NCBP3: variants seen among roughly 807,000 people sequenced by gnomAD.
NCBP3 encodes the protein nuclear cap binding subunit 3.
In NCBP3, 20 loss-of-function variants were observed where a neutral mutation model predicts 75.7. The ratio of observed to expected loss-of-function variants is 0.26; its 90% CI spans 0.19 to 0.38. The LOEUF (loss-of-function observed/expected upper bound fraction) is 0.38, where lower values mean the gene tolerates loss of function less well. Ranked by LOEUF, NCBP3 falls within the 10% of genes least tolerant of loss-of-function variation. The probability of loss-of-function intolerance (pLI) is 1.00; values close to 1 mark genes in which losing one functional copy is unlikely to be tolerated. For missense variants in NCBP3, 678 were observed against 796.9 expected (o/e 0.85, Z 1.80); for synonymous variants, 293 against 290.5 (o/e 1.01, Z -0.09).
At chr17:3,817,456 C>T (rs1394661493) in intron 10 of NCBP3, among the ~76,000 whole-genome samples, 1 of 151,940 alleles carries the variant, frequency 6.6e-6, no homozygotes, top group Non-Finnish European at 1.5e-5. Flanking sequence ...TGCTGAAACC[C>T]GTCTCTACTA....
chr17:3,826,695 AGAAG>A (rs375511950), intron 4 of NCBP3, among the ~76,000 whole-genome samples: 6,131 of 146,036 alleles, frequency 0.042, 208 homozygotes, highest in East Asian at 0.099. Flanking sequence ...AGACAGAAAG[AGAAG>A]GAAGGAAGGA....
chr17:3,813,376 A>C (rs2053461175), intron 12 of NCBP3, 97 bp from the exon 13 acceptor site: 2 of 1,425,142 alleles, frequency 1.4e-6, no homozygotes, highest in Non-Finnish European at 1.9e-6. Context: ...GCTGTGCAGG[A>C]AACGCCAGCA....
chr17:3,846,033 G>C lies in NCBP3; in HGVS notation c.183+8C>G. ...ACCTCTTCCTTACCCCCCGACCCCCGCCCGTACCGGGATCAGTTCCTTGAG... is the reference window on the plus strand; with the variant it reads ...ACCTCTTCCTTACCCCCCGACCCCCCCCCGTACCGGGATCAGTTCCTTGAG... On this transcript the variant is annotated splice_region_variant and intron_variant, in intron 1 of 12. Transcript: ENST00000389005. This position sits in a 1 kb window ranked among gnomAD's most constrained non-coding sequence, Gnocchi z 4.6. 6.5e-7 allele frequency: 1 copy of C among 1,542,046 alleles called. No homozygotes were observed. Among genetic ancestry groups the C allele is most frequent in the Non-Finnish European group, 8.8e-7 (1 of 1,142,848 alleles).
chr17:3,834,403 T>C (rs1195242965), intron 3 of NCBP3, among the ~76,000 whole-genome samples: 1 of 152,254 alleles, frequency 6.6e-6, no homozygotes, highest in African/African-American at 2.4e-5. Context: ...GTTACAAATT[T>C]TCTTTGGTGA....
rs562052643 is a variant in NCBP3, at chr17:3,818,216, T to C, written c.1310+47A>G. On this transcript the variant is annotated intron_variant, in intron 10 of 12. Transcript: ENST00000389005. The surrounding 1 kb of genome is among the most constrained non-coding windows in gnomAD (Gnocchi z 4.7). ...AGGAGGAATTAAGAAGTTATACTAG[T>C]ATTTAAAATCAAATTAAAAGCTAGC... is the stretch of plus-strand genomic sequence containing the variant. 1.5e-6 allele frequency: 2 copies of C among 1,304,554 alleles called. No homozygotes were observed. The highest frequency in any genetic ancestry group is 2.9e-5 in the South Asian group (2 of 69,460). 80.8% of individuals were successfully genotyped at this position (1,304,554 alleles called of 1,614,324 possible).
rs1314299331 is a variant in NCBP3, at chr17:3,807,344, T to G, written c.*5700A>C. 6.6e-6 allele frequency: 1 copy of G among 152,224 alleles called. No individual in the cohort carries two copies. Among genetic ancestry groups the G allele is most frequent in the Non-Finnish European group, 1.5e-5 (1 of 68,036 alleles). 9.4% of individuals were successfully genotyped at this position (152,224 alleles called of 1,614,324 possible). On this transcript the variant is annotated 3_prime_UTR_variant, in exon 13 of 13. Transcript: ENST00000389005. The stretch of plus-strand genomic sequence containing the variant: ...CAAATGCTTTAGAGAGCTGGTAAGC[T>G]TCAGCTCCGACATGGCCAGATCATC...
chr17:3,842,131 T>C (rs973394954), intron 2 of NCBP3, among the ~76,000 whole-genome samples: 2 of 151,932 alleles, frequency 1.3e-5, no homozygotes, highest in African/African-American at 4.8e-5. Flanking sequence ...ATAGTCTTAT[T>C]AAGGGCCTAT....
rs113505666 is a variant in NCBP3 at position 3,837,992 on chromosome 17, A to T, written c.355+2108T>A. 6.8e-3 allele frequency among the ~76,000 whole-genome samples: 882 copies of T among 128,854 alleles called. 4 individuals are homozygous for T. The highest frequency in any genetic ancestry group is 0.02 in the African/African-American group (772 of 38,910). The allele number at this position is 128,854 out of a possible 152,430, so 84.5% of individuals were successfully genotyped here. On this transcript the variant is annotated intron_variant, in intron 3 of 12. Coordinates refer to ENST00000389005, the MANE Select transcript of NCBP3 (RefSeq NM_001114118.3). ...CTGGAGTTGTACGTTAAAAAAAAAA[A>T]TTTTTTTAAATTAAAAGTTAACCCC... is the stretch of plus-strand genomic sequence containing the variant.
chr17:3,845,944 C>T (rs2143730956), intron 1 of NCBP3, 97 bp downstream of exon 1: 8 of 1,375,676 alleles, frequency 5.8e-6, no homozygotes, highest in Non-Finnish European at 7.8e-6. Flanking sequence ...CCCTTGACTT[C>T]CCCGGCTGGG....
chr17:3,820,122 T>C (rs1467020425), intron 9 of NCBP3, among the ~76,000 whole-genome samples: 2 of 152,160 alleles, frequency 1.3e-5, no homozygotes, highest in Non-Finnish European at 2.9e-5. Flanking sequence ...GCTAATTTTT[T>C]AATTTTTTGT....
chr17:3,841,795 T>C (rs1472685695), intron 2 of NCBP3, among the ~76,000 whole-genome samples: 2 of 138,090 alleles, frequency 1.4e-5, no homozygotes, highest in Admixed American at 1.5e-4. Flanking sequence ...ATCGCACCCC[T>C]GAACTCCAGC....
intron 8 of NCBP3, among the ~76,000 whole-genome samples, chr17:3,821,680 C>T (rs1342999178): frequency 6.6e-6 from 1 of 152,196 alleles, no homozygotes; most frequent in East Asian, 1.9e-4. Context: ...GCCTCGGCCT[C>T]CCAAAGTGCT....
rs1188951205 is a variant in NCBP3, at chr17:3,812,279, T to A, written c.*765A>T. 1.3e-5 allele frequency: 2 copies of A among 153,368 alleles called. 1 individual carries two copies. Among genetic ancestry groups the A allele is most frequent in the South Asian group, 4.1e-4 (2 of 4,840 alleles). 9.5% of individuals were successfully genotyped at this position (153,368 alleles called of 1,614,324 possible). A position where few individuals can be genotyped will look rare whatever the true frequency, so the allele number is the denominator to read the frequency against. ...TTTCAAATCATTCATGTTTTAAACA[T>A]AATACAGACTTAAAAATTCTTCAAC... On this transcript the variant is annotated 3_prime_UTR_variant, in exon 13 of 13. Transcript: ENST00000389005.
intron 2 of NCBP3, among the ~76,000 whole-genome samples, chr17:3,842,643 T>C (rs189927624): frequency 2.1e-4 from 32 of 152,290 alleles, no homozygotes; most frequent in Admixed American, 2.6e-4. Context: ...CGTTTCAGGA[T>C]GCATGAAGAC....
Position 3,836,003 on chromosome 17 carries a change from C to T in NCBP3, c.355+4097G>A, listed in dbSNP as rs77623952. Among the ~76,000 whole-genome samples the T allele has an allele frequency of 9.9e-3, 1,514 of 152,296 alleles. 31 individuals are homozygous for T. Among genetic ancestry groups the T allele is most frequent in the African/African-American group, 0.034 (1,409 of 41,552 alleles). ...CAACCCCTCAGCACCTTCATTTTCT[C>T]CCCAGTGAAACGGAAATAATCAACA... On this transcript the variant is annotated intron_variant, in intron 3 of 12. Coordinates refer to ENST00000389005, the MANE Select transcript of NCBP3 (RefSeq NM_001114118.3).
chr17:3,838,284 T>G (rs552932346), intron 3 of NCBP3, among the ~76,000 whole-genome samples: 2 of 152,320 alleles, frequency 1.3e-5, no homozygotes, highest in South Asian at 4.1e-4. Flanking sequence ...ATGAGCCGTA[T>G]CAGAGGCAAG....
At chr17:3,829,675 C>G (rs993654400) in intron 3 of NCBP3, among the ~76,000 whole-genome samples, 1 of 152,148 alleles carries the variant, frequency 6.6e-6, no homozygotes, top group Non-Finnish European at 1.5e-5. Context: ...CTATCAAGCT[C>G]AACAGGAGTA....
At chr17:3,837,486 G>GA (rs2053994521) in intron 3 of NCBP3, among the ~76,000 whole-genome samples, 1 of 142,838 alleles carries the variant, frequency 7.0e-6, no homozygotes, top group African/African-American at 2.5e-5. Flanking sequence ...TACAGAAAGA[G>GA]AGGAAAAAAA....
In NCBP3 at chr17:3,829,247, G is replaced by A. The variant is rs745744332; in HGVS notation, c.477C>T (p.Thr159=). 5.2e-6 allele frequency: 8 copies of A among 1,551,398 alleles called. No individual in the cohort carries two copies. In the Admixed American group the frequency reaches 5.9e-5, roughly 11 times the overall value. ...AGGAAACTCGGGTGTACTTACAGGA[G>A]GTATCATCCAACCATTCGATGTGAG... ...PPAHIEWLDD[T]SCNVVWLDEM... is the part of the protein sequence containing the mutation. Residue 159 remains threonine, a synonymous_variant, in exon 4 of 13, where the codon ACC becomes ACT. Coordinates refer to ENST00000389005, the MANE Select transcript of NCBP3 (RefSeq NM_001114118.3).
Sources: gnomAD v4.1 joint callset for allele counts (sites outside exome capture counted in the v4.1 genomes callset) on GRCh38, gnomAD v4.1.1 for gene constraint, Gnocchi (gnomAD v3.1) non-coding constraint, MANE v1.5 for transcripts, NCBI Gene and HGNC (gene_info 2026-07-23, HGNC 2026-07-21) for gene names.